RAB3C: variants seen among roughly 807,000 people sequenced by gnomAD.
RAB3C encodes ras-related protein Rab-3C.
Under a neutral mutation model 26.4 loss-of-function variants are expected in RAB3C, and 17 were observed. The observed-to-expected ratio is 0.64, with a 90% CI of 0.44 to 0.97. The LOEUF is 0.97. Among genes scored for constraint, RAB3C ranks in the 50% least tolerant of loss-of-function variants. The pLI is 0.00. For synonymous variants in RAB3C, 91 were observed against 95.9 expected (o/e 0.95, Z 0.30); for missense variants, 242 against 281.9 (o/e 0.86, Z 1.01).
intron 1 of RAB3C, among the ~76,000 whole-genome samples, chr5:58,599,081 A>T (rs1474741328): frequency 6.6e-6 from 1 of 152,142 alleles, no homozygotes; most frequent in Non-Finnish European, 1.5e-5. Context: ...CTAAATGTTC[A>T]TGAGTAGCAA....
chr5:58,833,179 G>A (rs16888673), intron 4 of RAB3C, among the ~76,000 whole-genome samples: 9,176 of 152,120 alleles, frequency 0.06, 375 homozygotes, highest in East Asian at 0.14. Context: ...GGATAGACTG[G>A]AGGGTAAGGA....
At chr5:58,779,587 C>T (rs960373253) in intron 3 of RAB3C, among the ~76,000 whole-genome samples, 3 of 151,896 alleles carry the variant, frequency 2.0e-5, no homozygotes, top group Admixed American at 2.0e-4. Flanking sequence ...GGGGCCTTAT[C>T]ATGTTGCCTA....
rs1748743597 is a variant in RAB3C at position 58,697,663 on chromosome 5, T to C, written c.253-28339T>C. On this transcript the variant is annotated intron_variant, in intron 2 of 4. Coordinates refer to ENST00000282878, the MANE Select transcript of RAB3C (RefSeq NM_138453.4). Reference sequence around the variant, plus strand: ...TAGCTCTTCTTGTTGAATTGATCCCTTTACCATTATGTAACGGTCTTCTTT... The same window carrying C: ...TAGCTCTTCTTGTTGAATTGATCCCCTTACCATTATGTAACGGTCTTCTTT... Among the ~76,000 whole-genome samples, 5 of 152,362 alleles carry C rather than the reference T, an allele frequency of 3.3e-5. No individual in the cohort carries two copies. The South Asian group carries it at 1.0e-3, about 32-fold the overall frequency.
At chr5:58,831,596 G>T (rs1743614571) in intron 4 of RAB3C, among the ~76,000 whole-genome samples, 1 of 152,114 alleles carries the variant, frequency 6.6e-6, no homozygotes, top group East Asian at 1.9e-4. Flanking sequence ...GCTATAATCA[G>T]AACTACTTAA....
intron 3 of RAB3C, among the ~76,000 whole-genome samples, chr5:58,751,060 G>A (rs1741513088): frequency 6.6e-6 from 1 of 152,060 alleles, no homozygotes; most frequent in African/African-American, 2.4e-5. Context: ...CACCACGTTG[G>A]CCAGGCTGGT....
At chr5:58,761,057 T>TCACA (rs1396965291) in intron 3 of RAB3C, among the ~76,000 whole-genome samples, 92 of 72,214 alleles carry the variant, frequency 1.3e-3, no homozygotes, top group Non-Finnish European at 2.4e-3. Flanking sequence ...TCCCTCTCTC[T>TCACA]CTCTCTCACA....
intron 2 of RAB3C, among the ~76,000 whole-genome samples, chr5:58,638,074 G>A (rs2111762200): frequency 6.6e-6 from 1 of 152,082 alleles, no homozygotes; most frequent in Middle Eastern, 3.4e-3. Flanking sequence ...GGGTGGATAA[G>A]TCCCAGAAAA....
intron 3 of RAB3C, among the ~76,000 whole-genome samples, chr5:58,798,910 A>AG (rs1208552945): frequency 6.6e-6 from 1 of 152,206 alleles, no homozygotes; most frequent in Non-Finnish European, 1.5e-5. Context: ...AGCTTGGACT[A>AG]TCCAAAAATA....
At chr5:58,788,154 G>A (rs451558) in intron 3 of RAB3C, 150,019 of 152,366 alleles carry the variant, frequency 0.98, 73,866 homozygotes, top group East Asian at 1. Context: ...ACTGATGTAC[G>A]TAAAGCAAGC....
chr5:58,651,097 C>T (rs1747638683), intron 2 of RAB3C, among the ~76,000 whole-genome samples: 1 of 152,112 alleles, frequency 6.6e-6, no homozygotes, highest in African/African-American at 2.4e-5. Context: ...AAATTAGACC[C>T]TATTTAAAAT....
rs73098339 is a variant in RAB3C at position 58,608,623 on chromosome 5, A to G, written c.25-9020A>G. Among the ~76,000 whole-genome samples, 496 of 152,334 alleles carry G rather than the reference A, an allele frequency of 3.3e-3. 5 individuals carry two copies. The highest frequency in any genetic ancestry group is 0.011 in the African/African-American group (472 of 41,572). On this transcript the variant is annotated intron_variant, in intron 1 of 4. Transcript: ENST00000282878. Reference sequence around the variant, plus strand: ...AATTAATTTAACCATTGTGCAAAACAGTGTGGCAGTTCCTCAAGGATCTGG... The same window carrying G: ...AATTAATTTAACCATTGTGCAAAACGGTGTGGCAGTTCCTCAAGGATCTGG...
chr5:58,766,408 A>T (rs1476682426), intron 3 of RAB3C, among the ~76,000 whole-genome samples: 1 of 152,110 alleles, frequency 6.6e-6, no homozygotes, highest in East Asian at 1.9e-4. Flanking sequence ...GAGCCACCGC[A>T]CCTAGCCGAG....
intron 1 of RAB3C, among the ~76,000 whole-genome samples, chr5:58,597,539 CATATA>C (rs1393200473): frequency 2.1e-4 from 23 of 108,494 alleles, no homozygotes; most frequent in East Asian, 3.1e-4. Flanking sequence ...TATATATAAG[CATATA>C]ACAATATATA....
In RAB3C at chr5:58,724,748, T is replaced by C. The variant is rs542924691; in HGVS notation, c.253-1254T>C. ...AAAAATCATTAGGACATAAAAGTGG[T>C]TTAAAAGAGGTAGCAACTTATCCTA... On this transcript the variant is annotated intron_variant, in intron 2 of 4. Coordinates refer to ENST00000282878, the MANE Select transcript of RAB3C (RefSeq NM_138453.4). Among the ~76,000 whole-genome samples, 29 of 151,748 alleles carry C rather than the reference T, an allele frequency of 1.9e-4. 2 individuals are homozygous for C. The highest frequency in any genetic ancestry group is 3.4e-3 in the Middle Eastern group (1 of 294).
At chr5:58,658,660 T>C in intron 2 of RAB3C, among the ~76,000 whole-genome samples, 1 of 152,166 alleles carries the variant, frequency 6.6e-6, no homozygotes, top group East Asian at 1.9e-4. Flanking sequence ...GGACTGGGTT[T>C]AGCTGGGTGG....
intron 3 of RAB3C, among the ~76,000 whole-genome samples, chr5:58,745,858 A>G (rs945549647): frequency 6.6e-6 from 1 of 152,142 alleles, no homozygotes; most frequent in Non-Finnish European, 1.5e-5. Flanking sequence ...ATTTATCCTC[A>G]TATTTCCCAA....
At chr5:58,824,966 G>A in intron 3 of RAB3C, 72 bp from the exon 4 acceptor site, 1 of 1,016,204 alleles carries the variant, frequency 9.8e-7, no homozygotes, top group Non-Finnish European at 1.4e-6. Flanking sequence ...TCTGTGGAAT[G>A]TATTTCTTCT....
chr5:58,769,638 C>T (rs541303497), intron 3 of RAB3C, among the ~76,000 whole-genome samples: 1 of 152,290 alleles, frequency 6.6e-6, no homozygotes, highest in African/African-American at 2.4e-5. Context: ...TAGATTTGGA[C>T]TTTTCATGTC....
At position 58,825,168 on chromosome 5, in the gene RAB3C, A is replaced by C; in HGVS notation, c.496+6A>C. The C allele has an allele frequency of 6.2e-7, 1 of 1,608,340 alleles. No homozygotes were observed. The highest frequency in any genetic ancestry group is 8.5e-7 in the Non-Finnish European group (1 of 1,177,100). On this transcript the variant is annotated splice_donor_region_variant and intron_variant, in intron 4 of 4. Coordinates refer to ENST00000282878, the MANE Select transcript of RAB3C (RefSeq NM_138453.4). Reference sequence around the variant, plus strand: ...ACATTTAGGAGAACAGCTTGGTAAGAAACAAATTAATAAGTTAAAAAGAAA... The same window carrying C: ...ACATTTAGGAGAACAGCTTGGTAAGCAACAAATTAATAAGTTAAAAAGAAA...
Sources: allele counts gnomAD v4.1 joint callset (sites outside exome capture counted in the v4.1 genomes callset), GRCh38; gene constraint gnomAD v4.1.1; transcripts MANE v1.5; gene names NCBI Gene and HGNC (gene_info 2026-07-23, HGNC 2026-07-21).